The following CNBP variants were observed in gnomAD, a reference collection of about 807,000 sequenced individuals.
CNBP encodes the protein cellular nucleic acid-binding protein.
A neutral mutation model predicts 21.2 loss-of-function variants in CNBP; 6 were observed. The ratio of observed to expected loss-of-function variants is 0.28; its 90% CI spans 0.16 to 0.56. The LOEUF is 0.56. Ranked by LOEUF, CNBP falls within the 20% of genes least tolerant of loss-of-function variation. CNBP has a pLI of 0.93. For synonymous variants in CNBP, 61 were observed against 74.9 expected, an observed-to-expected ratio of 0.81 and a Z score of 0.96; for missense variants, 112 against 233.1, an observed-to-expected ratio of 0.48 and a Z score of 3.38.
In CNBP at chr3:129,170,402, A is replaced by G. The variant is rs1337827924; in HGVS notation, c.*51T>C. ...TTTGGCCAGTGAAGAGGATTCAGAG[A>G]AAATAATACAACCATCAATCAGAAA... On this transcript the variant is annotated 3_prime_UTR_variant, in exon 5 of 5. Coordinates refer to ENST00000422453, the MANE Select transcript of CNBP (RefSeq NM_003418.5). The G allele has an allele frequency of 6.7e-7, 1 of 1,486,570 alleles. No individual in the cohort carries two copies. The highest frequency in any genetic ancestry group is 1.7e-5 in the Admixed American group (1 of 59,742). The allele number at this position is 1,486,570 out of a possible 1,614,324, so 92.1% of individuals were successfully genotyped here.
chr3:129,175,574 C>T (rs1032925463), intron 1 of CNBP, among the ~76,000 whole-genome samples: 1 of 151,762 alleles, frequency 6.6e-6, no homozygotes, highest in Non-Finnish European at 1.5e-5. Flanking sequence ...GGACTACAGG[C>T]GTGCACCACC....
Position 129,171,273 on chromosome 3 carries a change from G to A in CNBP, c.222C>T (p.Cys74=), listed in dbSNP as rs1937562100. ...AKDCDLQEDA[C]YNCGRGGHIA... ...TGTGGCCACCTCTACCGCAGTTATAGCAGGCTTCAACAATAAGGAAAAGAA... is the reference window on the plus strand; with the variant it reads ...TGTGGCCACCTCTACCGCAGTTATAACAGGCTTCAACAATAAGGAAAAGAA... Residue 74 remains cysteine (C), a synonymous_variant, in exon 4 of 5, where the codon TGC becomes TGT. Coordinates refer to ENST00000422453, the MANE Select transcript of CNBP (RefSeq NM_003418.5). 3 of 1,614,046 alleles carry A rather than the reference G, an allele frequency of 1.9e-6. No individual in the cohort carries two copies. The highest frequency in any genetic ancestry group is 1.3e-5 in the African/African-American group (1 of 74,914).
At chr3:129,181,793 G>C (rs1273885803) in intron 1 of CNBP, among the ~76,000 whole-genome samples, 1 of 151,862 alleles carries the variant, frequency 6.6e-6, no homozygotes, top group Non-Finnish European at 1.5e-5. Flanking sequence ...AACACAAACT[G>C]TTATTTTTTT....
At chr3:129,179,486 G>C (rs1177983512) in intron 1 of CNBP, among the ~76,000 whole-genome samples, 1 of 152,118 alleles carries the variant, frequency 6.6e-6, no homozygotes, top group African/African-American at 2.4e-5. Context: ...TTTAACAGCT[G>C]GATATCTATG....
At chr3:129,183,594 G>A (rs1472297306) in intron 1 of CNBP, among the ~76,000 whole-genome samples, 182 bp downstream of exon 1, 1 of 151,968 alleles carries the variant, frequency 6.6e-6, no homozygotes, top group African/African-American at 2.4e-5. Context: ...GTCCGACAGC[G>A]GTGCGCCAGA....
At chr3:129,172,163 T>G (rs1335712469) in intron 1 of CNBP, among the ~76,000 whole-genome samples, 1 of 151,980 alleles carries the variant, frequency 6.6e-6, no homozygotes, top group East Asian at 1.9e-4. Context: ...ATTGAGACTC[T>G]GTCTCAAAAA....
chr3:129,181,930 C>T (rs1052080001), intron 1 of CNBP, among the ~76,000 whole-genome samples: 1 of 151,882 alleles, frequency 6.6e-6, no homozygotes. Flanking sequence ...GAATCAGGCT[C>T]AACAAACTAA....
At chr3:129,175,530 A>G (rs1050883742) in intron 1 of CNBP, among the ~76,000 whole-genome samples, 1 of 150,390 alleles carries the variant, frequency 6.6e-6, no homozygotes. Context: ...CCTGGGTTCA[A>G]GCGATTCCCC....
intron 1 of CNBP, among the ~76,000 whole-genome samples, chr3:129,181,239 C>CAAAAAAAAAAAAAAAAAAAAAAAAAAAAA (rs10587328): frequency 3.8e-5 from 2 of 53,176 alleles, no homozygotes; most frequent in Admixed American, 2.8e-4. Context: ...GACTCTGTCT[C>CAAAAAAAAAAAAAAAAAAAAAAAAAAAAA]AAAAAAAAAA....
At chr3:129,177,764 G>A (rs529764946) in intron 1 of CNBP, among the ~76,000 whole-genome samples, 1 of 152,296 alleles carries the variant, frequency 6.6e-6, no homozygotes, top group Admixed American at 6.5e-5. Flanking sequence ...TTTGTCCTAA[G>A]TTTCCATTTT....
chr3:129,181,239 CAA>C (rs10587328), intron 1 of CNBP, among the ~76,000 whole-genome samples: 18 of 53,174 alleles, frequency 3.4e-4, no homozygotes, highest in East Asian at 2.3e-3. Context: ...GACTCTGTCT[CAA>C]AAAAAAAAAA....
At chr3:129,174,378 A>G (rs1937749393) in intron 1 of CNBP, among the ~76,000 whole-genome samples, 1 of 145,752 alleles carries the variant, frequency 6.9e-6, no homozygotes. Flanking sequence ...AAAAAAACGA[A>G]TGGCGGGCAG....
At chr3:129,170,801 T>C (rs2107632904) in intron 4 of CNBP, among the ~76,000 whole-genome samples, 1 of 152,348 alleles carries the variant, frequency 6.6e-6, no homozygotes. Context: ...CAGAGCTTTC[T>C]ATGAAGTCTC....
Position 129,181,663 on chromosome 3 carries a change from G to C in CNBP, c.-15+2113C>G, listed in dbSNP as rs9846888. The stretch of plus-strand genomic sequence containing the variant: ...AGACTCCGTCTCAGAAAAAAAAAAA[G>C]AAAAACCCCTGGTCTTCCACTGATT... On this transcript the variant is annotated intron_variant, in intron 1 of 4. Coordinates refer to ENST00000422453, the MANE Select transcript of CNBP (RefSeq NM_003418.5). Among the ~76,000 whole-genome samples the C allele has an allele frequency of 8.3e-5, 5 of 60,520 alleles. No individual in the cohort carries two copies. The South Asian group carries it at 1.9e-3, about 22-fold the overall frequency. 39.7% of individuals were successfully genotyped at this position (60,520 alleles called of 152,430 possible).
In CNBP at chr3:129,169,264, C is replaced by T. The variant is rs1220575645; in HGVS notation, c.*1189G>A. ...AGCCAAGCCTGCACTCCAGCCTGGG[C>T]GACAAGAGTGAGACTCCGTCTCCAA... On this transcript the variant is annotated 3_prime_UTR_variant, in exon 5 of 5. Transcript: ENST00000422453. 2.0e-5 allele frequency among the ~76,000 whole-genome samples: 3 copies of T among 152,052 alleles called. No individual in the cohort carries two copies. The highest frequency in any genetic ancestry group is 2.9e-5 in the Non-Finnish European group (2 of 68,010).
intron 1 of CNBP, among the ~76,000 whole-genome samples, chr3:129,178,964 C>A (rs534760604): frequency 6.6e-6 from 1 of 151,888 alleles, no homozygotes. Context: ...GCCAGGATGG[C>A]CCAGATTCTT....
intron 1 of CNBP, among the ~76,000 whole-genome samples, chr3:129,172,222 A>G (rs116555030): frequency 9.7e-4 from 148 of 152,258 alleles, no homozygotes; most frequent in African/African-American, 3.4e-3. Flanking sequence ...GACTTATTAT[A>G]ATATACACCT....
At chr3:129,183,574 C>T (rs1266779960) in intron 1 of CNBP, among the ~76,000 whole-genome samples, 2 of 152,256 alleles carry the variant, frequency 1.3e-5, no homozygotes, top group African/African-American at 4.8e-5. Flanking sequence ...GAAGAAAGGA[C>T]AGAAGTGTCG....
rs1322223948 is a variant in CNBP, at chr3:129,172,648, GCAGGCAGGCAGA to G, written c.-14-889_-14-878del. 8.8e-3 allele frequency among the ~76,000 whole-genome samples: 966 copies of G among 109,534 alleles called. 3 individuals are homozygous for G. The highest frequency in any genetic ancestry group is 0.012 in the African/African-American group (338 of 28,460). 71.9% of individuals were successfully genotyped at this position (109,534 alleles called of 152,430 possible). A position where few individuals can be genotyped will look rare whatever the true frequency, so the allele number is the denominator to read the frequency against. ...GCCAGGCAGGCAGGCAGGCAGGCAG[GCAGGCAGGCAGA>G]CAGACAGACAGACAGACAGACAGAC... is the stretch of plus-strand genomic sequence containing the variant. On this transcript the variant is annotated intron_variant, in intron 1 of 4. Transcript: ENST00000422453.
Sources: gnomAD v4.1 joint callset for allele counts (sites outside exome capture counted in the v4.1 genomes callset) on GRCh38, gnomAD v4.1.1 for gene constraint, MANE v1.5 for transcripts, NCBI Gene and HGNC (gene_info 2026-07-23, HGNC 2026-07-21) for gene names.